The following LARGE1 variants were observed in gnomAD, a reference collection of about 807,000 sequenced individuals.
The protein encoded by LARGE1 is LARGE xylosyl- and glucuronyltransferase 1.
In LARGE1, 43 loss-of-function variants were observed where a neutral mutation model predicts 87.6. That is an observed-to-expected ratio of 0.49 (90% CI 0.38 to 0.63). The LOEUF is 0.63. Ranked by LOEUF, LARGE1 falls within the 30% of genes least tolerant of loss-of-function variation. The probability of loss-of-function intolerance (pLI) is 0.00; values close to 1 mark genes in which losing one functional copy is unlikely to be tolerated. For synonymous variants in LARGE1, 434 were observed against 394.6 expected (o/e 1.10, Z -1.18); for missense variants, 802 against 1,000.2 (o/e 0.80, Z 2.67).
At chr22:33,501,397 G>T (rs1423307343) in intron 6 of LARGE1, among the ~76,000 whole-genome samples, 1 of 152,168 alleles carries the variant, frequency 6.6e-6, no homozygotes, top group South Asian at 2.1e-4. Flanking sequence ...CAGGCCCTAG[G>T]GGGCATGAAT....
intron 6 of LARGE1, among the ~76,000 whole-genome samples, chr22:33,467,597 A>G (rs764171837): frequency 6.6e-6 from 1 of 152,230 alleles, no homozygotes; most frequent in Non-Finnish European, 1.5e-5. Context: ...GGAATAGAGC[A>G]TCGCCCATAA....
intron 1 of LARGE1, among the ~76,000 whole-genome samples, chr22:33,887,009 T>G (rs933214): frequency 0.8 from 121,262 of 152,112 alleles, 49,170 homozygotes; most frequent in East Asian, 1. Flanking sequence ...AAGGTGGTGA[T>G]GGTAGGGTGA....
intron 2 of LARGE1, among the ~76,000 whole-genome samples, chr22:33,726,744 T>A (rs1175850678): frequency 6.6e-6 from 1 of 152,164 alleles, no homozygotes; most frequent in Non-Finnish European, 1.5e-5. Flanking sequence ...GCAATTTCCC[T>A]ACTGCACAGA....
At chr22:33,648,716 A>G (rs1044654995) in intron 3 of LARGE1, among the ~76,000 whole-genome samples, 7 of 152,208 alleles carry the variant, frequency 4.6e-5, no homozygotes, top group Non-Finnish European at 1.0e-4. Flanking sequence ...GTCAAAGACT[A>G]AAGGGCACTG....
At chr22:33,297,644 AG>A (rs11286543) in intron 12 of LARGE1, among the ~76,000 whole-genome samples, 6,012 of 150,434 alleles carry the variant, frequency 0.04, 165 homozygotes, top group Non-Finnish European at 0.061. Context: ...TTTGTCCCCA[AG>A]AAGGCAAAAG....
intron 9 of LARGE1, among the ~76,000 whole-genome samples, chr22:33,360,631 A>T (rs1168554272): frequency 6.7e-6 from 1 of 149,766 alleles, no homozygotes; most frequent in Non-Finnish European, 1.5e-5. Context: ...AGCACCTCCC[A>T]GCAGGCCCCA....
At chr22:33,426,079 C>T (rs573725229) in intron 7 of LARGE1, among the ~76,000 whole-genome samples, 1 of 152,190 alleles carries the variant, frequency 6.6e-6, no homozygotes, top group Non-Finnish European at 1.5e-5. Context: ...TATTCACATC[C>T]CTTGCAGTGA....
At chr22:33,545,277 T>C (rs1019540178) in intron 6 of LARGE1, among the ~76,000 whole-genome samples, 1 of 151,410 alleles carries the variant, frequency 6.6e-6, no homozygotes, top group African/African-American at 2.4e-5. Flanking sequence ...TTTTTTTTTT[T>C]TTTTTTAGAG....
At chr22:33,845,137 T>C (rs1253121822) in intron 1 of LARGE1, among the ~76,000 whole-genome samples, 1 of 152,086 alleles carries the variant, frequency 6.6e-6, no homozygotes, top group Admixed American at 6.6e-5. Flanking sequence ...ATTTACAGGA[T>C]TCTAAAGTCC....
intron 5 of LARGE1, among the ~76,000 whole-genome samples, chr22:33,566,967 A>T (rs1467476796): frequency 6.6e-6 from 1 of 152,214 alleles, no homozygotes; most frequent in Non-Finnish European, 1.5e-5. Flanking sequence ...AACTCTGTGT[A>T]TGAGTCCCTG....
chr22:33,728,923 T>C (rs1328960003), intron 2 of LARGE1, among the ~76,000 whole-genome samples: 2 of 152,218 alleles, frequency 1.3e-5, no homozygotes, highest in Non-Finnish European at 2.9e-5. Flanking sequence ...CAGCTTTCTT[T>C]ACTTGTCTGA....
In LARGE1 at chr22:33,736,427, T is replaced by G. The variant is rs1163400625; in HGVS notation, c.106+24944A>C. Reference sequence around the variant, plus strand: ...TTTTCATGTGCTTTTTGACAACCTGTGTATCTTCTTTGGAGAAATATCTAT... The same window carrying G: ...TTTTCATGTGCTTTTTGACAACCTGGGTATCTTCTTTGGAGAAATATCTAT... On this transcript the variant is annotated intron_variant, in intron 2 of 14. Coordinates refer to ENST00000397394, the MANE Select transcript of LARGE1 (RefSeq NM_133642.5). Among the ~76,000 whole-genome samples, 4 of 152,376 alleles carry G rather than the reference T, an allele frequency of 2.6e-5. No homozygotes were observed. In the East Asian group the frequency reaches 7.7e-4, roughly 29 times the overall value.
intron 1 of LARGE1, among the ~76,000 whole-genome samples, chr22:33,797,572 A>C (rs953979936): frequency 6.6e-5 from 10 of 152,338 alleles, no homozygotes; most frequent in African/African-American, 2.4e-4. Context: ...AGCACATGGA[A>C]GAGGACAGAG....
At chr22:33,894,596 A>G (rs956015281) in intron 1 of LARGE1, among the ~76,000 whole-genome samples, 3 of 152,196 alleles carry the variant, frequency 2.0e-5, no homozygotes, top group African/African-American at 7.2e-5. Flanking sequence ...AAACTGGGAC[A>G]TGGGAGCTGG....
chr22:33,432,183 G>A lies in LARGE1; in HGVS notation c.870C>T (p.Ala290=). The A allele has an allele frequency of 6.2e-7, 1 of 1,614,018 alleles. No individual in the cohort carries two copies. The highest frequency in any genetic ancestry group is 8.5e-7 in the Non-Finnish European group (1 of 1,179,952). The change falls in exon 7 of 15, where the codon GCC becomes GCT. Residue 290 remains alanine (A), a synonymous_variant. Coordinates refer to ENST00000397394, the MANE Select transcript of LARGE1 (RefSeq NM_133642.5). The stretch of plus-strand genomic sequence containing the variant: ...TACCTGTGTTGTAGCCTCTTCCAAG[G>A]GCTGGCCATGGGCGGTGATTTTTCC... The part of the protein sequence containing the change: ...NLWKNHRPWP[A]LGRGYNTGVI...
chr22:33,321,718 C>T (rs1936731516), intron 10 of LARGE1, among the ~76,000 whole-genome samples: 1 of 152,172 alleles, frequency 6.6e-6, no homozygotes. Flanking sequence ...TTTGATGAGG[C>T]TTCAGACAAG....
chr22:33,837,146 T>A (rs1482448630), intron 1 of LARGE1, among the ~76,000 whole-genome samples: 2 of 152,052 alleles, frequency 1.3e-5, no homozygotes, highest in African/African-American at 4.8e-5. Context: ...TGATTGTGAT[T>A]GAAATGCCAA....
chr22:33,858,370 G>A (rs1473629673), intron 1 of LARGE1, among the ~76,000 whole-genome samples: 1 of 152,218 alleles, frequency 6.6e-6, no homozygotes, highest in Non-Finnish European at 1.5e-5. Context: ...GCGGTTGCAA[G>A]ATTTAACAGA....
At chr22:33,089,284 TTCTTCTTCTTCTTCTTCC>T in the LARGE1 span, among the ~76,000 whole-genome samples, 445 of 129,278 alleles carry the variant, frequency 3.4e-3, 4 homozygotes, top group African/African-American at 0.019. Context: ...CTTCTTGTTC[TTCTTCTTCTTCTTCTTCC>T]TCTTCTTCTT....
Sources: gnomAD v4.1 joint callset for allele counts (sites outside exome capture counted in the v4.1 genomes callset) on GRCh38, gnomAD v4.1.1 for gene constraint, MANE v1.5 for transcripts, NCBI Gene and HGNC (gene_info 2026-07-23, HGNC 2026-07-21) for gene names.